The following TYW1 variants were observed in gnomAD, a reference collection of about 807,000 sequenced individuals.
TYW1 encodes tRNA-yW synthesizing protein 1 homolog.
Under a neutral mutation model 96.2 loss-of-function variants are expected in TYW1, and 46 were observed. That is an observed-to-expected ratio of 0.48 (90% CI 0.38 to 0.61). The LOEUF is 0.61. TYW1 is among the 20% of genes least tolerant of loss of function. The pLI is 0.00. For missense variants in TYW1, 684 were observed against 909.6 expected (o/e 0.75, Z 3.19); for synonymous variants, 274 against 323.0 (o/e 0.85, Z 1.63).
intron 13 of TYW1, among the ~76,000 whole-genome samples, chr7:67,161,526 C>G (rs1799162579): frequency 6.6e-6 from 1 of 152,134 alleles, no homozygotes; most frequent in African/African-American, 2.4e-5. Flanking sequence ...CCTGTGTGCT[C>G]TAACGGGCAG....
chr7:66,998,880 G>C lies in TYW1; in HGVS notation c.199G>C (p.Val67Leu), dbSNP rs557115043. 5 of 1,614,022 alleles carry C rather than the reference G, an allele frequency of 3.1e-6. No individual in the cohort carries two copies. Among genetic ancestry groups the C allele is most frequent in the Non-Finnish European group, 4.2e-6 (5 of 1,180,012 alleles). ...TCAGGATTTGATGACAAATGGTTAT[G>C]TCTCCCTTCAAGAGAAAGACATCTT... ...AAQDLMTNGY[V>L]SLQEKDIFVS... Residue 67 changes from valine to leucine, a missense_variant, in exon 3 of 16, where the codon GTC becomes CTC. Val to Leu is a conservative substitution (Grantham distance 32). Transcript: ENST00000359626.
At chr7:67,193,547 T>G (rs1800289983) in intron 14 of TYW1, among the ~76,000 whole-genome samples, 1 of 152,030 alleles carries the variant, frequency 6.6e-6, no homozygotes, top group South Asian at 2.1e-4. Flanking sequence ...TCAATTGAGG[T>G]CAGGAGTTCA....
intron 4 of TYW1, among the ~76,000 whole-genome samples, chr7:67,010,140 G>T (rs1367518266): frequency 6.6e-6 from 1 of 151,634 alleles, no homozygotes; most frequent in Non-Finnish European, 1.5e-5. Flanking sequence ...GCACCACCAT[G>T]CCCAGCTAAT....
At chr7:67,090,242 G>A (rs111692144) in intron 11 of TYW1, among the ~76,000 whole-genome samples, 2,636 of 152,262 alleles carry the variant, frequency 0.017, 76 homozygotes, top group African/African-American at 0.06. Flanking sequence ...CTCAAGTGGA[G>A]TATCTATATC....
At chr7:67,135,607 GTTT>G (rs68006255) in intron 13 of TYW1, among the ~76,000 whole-genome samples, 9 of 146,070 alleles carry the variant, frequency 6.2e-5, no homozygotes, top group Non-Finnish European at 7.6e-5. Flanking sequence ...CCAGCCAACA[GTTT>G]TTTTTTTTTT....
At chr7:67,209,326 T>A (rs1800918932) in intron 15 of TYW1, among the ~76,000 whole-genome samples, 1 of 152,234 alleles carries the variant, frequency 6.6e-6, no homozygotes, top group Non-Finnish European at 1.5e-5. Flanking sequence ...GTCAGCTGTT[T>A]CTGGGCTTTC....
chr7:67,157,171 ACAAAG>A (rs1458396802), intron 13 of TYW1, among the ~76,000 whole-genome samples: 1 of 152,152 alleles, frequency 6.6e-6, no homozygotes, highest in Non-Finnish European at 1.5e-5. Context: ...CAGAAAAATT[ACAAAG>A]ATAGTACAGA....
chr7:67,108,628 A>T (rs193211543), intron 12 of TYW1, among the ~76,000 whole-genome samples: 1 of 149,990 alleles, frequency 6.7e-6, no homozygotes, highest in African/African-American at 2.5e-5. Context: ...TTCTGAGAGA[A>T]ACGGGGTTTC....
At chr7:67,049,767 G>A (rs1795300406) in intron 7 of TYW1, among the ~76,000 whole-genome samples, 182 bp from the exon 8 acceptor site, 1 of 151,960 alleles carries the variant, frequency 6.6e-6, no homozygotes, top group Non-Finnish European at 1.5e-5. Flanking sequence ...GGCTGGTCTC[G>A]ATCTCCTGAC....
intron 11 of TYW1, among the ~76,000 whole-genome samples, chr7:67,085,983 A>T (rs1796537340): frequency 6.6e-6 from 1 of 152,102 alleles, no homozygotes; most frequent in South Asian, 2.1e-4. Flanking sequence ...AAAAAAAAAA[A>T]ATTAGTCAAT....
intron 6 of TYW1, among the ~76,000 whole-genome samples, chr7:67,020,082 T>G (rs1337848566): frequency 6.6e-6 from 1 of 152,292 alleles, no homozygotes. Context: ...GTCCCATAAG[T>G]TAAAGAGCTT....
At chr7:67,129,473 G>A (rs11766841) in intron 13 of TYW1, among the ~76,000 whole-genome samples, 14,052 of 152,218 alleles carry the variant, frequency 0.092, 758 homozygotes, top group Middle Eastern at 0.14. Context: ...CTGTGTTAGC[G>A]CTGGTCTCTG....
Position 67,079,169 on chromosome 7 carries a change from GAGGT to G in TYW1, c.1275-4260_1275-4257del, listed in dbSNP as rs1161417847. On this transcript the variant is annotated intron_variant, in intron 10 of 15. Transcript: ENST00000359626. ...AATAGTTTGAAAAGTATTCGTGTGA[GAGGT>G]GTGTGTGTGTGTGTGTGTGTGTGTG... Among the ~76,000 whole-genome samples the G allele has an allele frequency of 5.5e-5, 6 of 110,070 alleles. 1 individual carries two copies. The highest frequency in any genetic ancestry group is 1.9e-4 in the African/African-American group (6 of 31,130). 72.2% of individuals were successfully genotyped at this position (110,070 alleles called of 152,430 possible).
At position 67,159,814 on chromosome 7, in the gene TYW1, T is replaced by TATTTATTC. The variant is rs1799103054; in HGVS notation, c.1699-23312_1699-23311insATTTATTC. The stretch of plus-strand genomic sequence containing the variant: ...ATTTTATTTTATTTATTTATTTATT[T>TATTTATTC]TTTTGAGACAGAGTCTTGCTCTGTA... On this transcript the variant is annotated intron_variant, in intron 13 of 15. Transcript: ENST00000359626. 6.2e-5 allele frequency among the ~76,000 whole-genome samples: 9 copies of TATTTATTC among 144,274 alleles called. No individual in the cohort carries two copies. In the South Asian group the frequency reaches 1.9e-3, roughly 31 times the overall value. 94.6% of individuals were successfully genotyped at this position (144,274 alleles called of 152,430 possible).
intron 12 of TYW1, among the ~76,000 whole-genome samples, chr7:67,108,647 G>A (rs1246578177): frequency 1.3e-5 from 2 of 151,656 alleles, no homozygotes; most frequent in African/African-American, 4.8e-5. Context: ...TCACCATGTT[G>A]GCCAGGCTGG....
intron 10 of TYW1, among the ~76,000 whole-genome samples, chr7:67,074,182 G>C (rs1796134654): frequency 6.6e-6 from 1 of 152,040 alleles, no homozygotes. Context: ...CAAGACAAAA[G>C]TATGTTAGCC....
At chr7:67,108,391 A>G (rs1284950011) in intron 12 of TYW1, among the ~76,000 whole-genome samples, 1 of 151,850 alleles carries the variant, frequency 6.6e-6, no homozygotes, top group Non-Finnish European at 1.5e-5. Flanking sequence ...AATTTAACCT[A>G]TATCACAGAA....
chr7:67,225,817 A>G (rs1801544352), intron 15 of TYW1, among the ~76,000 whole-genome samples: 1 of 147,292 alleles, frequency 6.8e-6, no homozygotes, highest in Non-Finnish European at 1.5e-5. Flanking sequence ...CAAGAATGTA[A>G]TCTTATGGTT....
chr7:67,148,727 G>C (rs1299173109), intron 13 of TYW1, among the ~76,000 whole-genome samples: 1 of 152,078 alleles, frequency 6.6e-6, no homozygotes, highest in Non-Finnish European at 1.5e-5. Context: ...CACTGTGCCC[G>C]GCTGTTGAAA....
Sources: allele counts gnomAD v4.1 joint callset (sites outside exome capture counted in the v4.1 genomes callset), GRCh38; gene constraint gnomAD v4.1.1; transcripts MANE v1.5; gene names NCBI Gene and HGNC (gene_info 2026-07-23, HGNC 2026-07-21).